CFAP221: variants seen among roughly 807,000 people sequenced by gnomAD.
CFAP221 encodes the protein cilia and flagella associated protein 221, also known as cilia- and flagella-associated protein 221.
A neutral mutation model predicts 113.1 loss-of-function variants in CFAP221; 97 were observed. That is an observed-to-expected ratio of 0.86 (90% CI 0.73 to 1.02). The LOEUF (loss-of-function observed/expected upper bound fraction) is 1.02. CFAP221 is among the 50% of genes least tolerant of loss of function. CFAP221 has a pLI of 0.00. For synonymous variants in CFAP221, 331 were observed against 354.4 expected, an observed-to-expected ratio of 0.93 and a Z score of 0.74; for missense variants, 1,025 against 1,013.4, an observed-to-expected ratio of 1.01 and a Z score of -0.16.
intron 19 of CFAP221, among the ~76,000 whole-genome samples, chr2:119,634,527 A>C (rs947175586): frequency 6.6e-6 from 1 of 152,224 alleles, no homozygotes; most frequent in Non-Finnish European, 1.5e-5. Flanking sequence ...TCCTATGTTC[A>C]TTGCAGCACT....
chr2:119,607,699 A>G (rs1368771533), intron 11 of CFAP221, among the ~76,000 whole-genome samples: 2 of 152,142 alleles, frequency 1.3e-5, no homozygotes, highest in African/African-American at 4.8e-5. Context: ...TGGCAACCAC[A>G]ATCTACTTTC....
intron 13 of CFAP221, 139 bp downstream of exon 13, chr2:119,611,881 G>A: frequency 1.4e-6 from 1 of 730,768 alleles, no homozygotes; most frequent in Non-Finnish European, 2.3e-6. Flanking sequence ...TTTTCAGAAT[G>A]TTACCATGTT....
intron 3 of CFAP221, among the ~76,000 whole-genome samples, chr2:119,555,833 TCA>T (rs1411926268): frequency 1.7e-4 from 26 of 152,194 alleles, no homozygotes; most frequent in Admixed American, 1.7e-3. Flanking sequence ...CTTCCTGGGC[TCA>T]GACAAATCTT....
intron 6 of CFAP221, among the ~76,000 whole-genome samples, chr2:119,572,366 G>C (rs114534776): frequency 2.7e-3 from 412 of 152,134 alleles, no homozygotes; most frequent in African/African-American, 9.7e-3. Flanking sequence ...AACCATTATG[G>C]CTGGTTAAAA....
intron 6 of CFAP221, among the ~76,000 whole-genome samples, chr2:119,564,124 C>T (rs1412250697): frequency 1.3e-5 from 2 of 152,124 alleles, no homozygotes; most frequent in East Asian, 1.9e-4. Context: ...TGCTGATGAC[C>T]GGGTGGATCA....
At chr2:119,646,540 T>C (rs1028660566) in intron 21 of CFAP221, among the ~76,000 whole-genome samples, 1 of 152,070 alleles carries the variant, frequency 6.6e-6, no homozygotes, top group African/African-American at 2.4e-5. Context: ...TGCTAACCCA[T>C]TCCTGAGAAC....
In CFAP221 at chr2:119,647,019, C is replaced by T; in HGVS notation, c.2287C>T (p.Pro763Ser). The change falls in exon 22 of 24, where the codon CCA becomes TCA. Residue 763 changes from proline (P) to serine (S), a missense_variant. Coordinates refer to ENST00000413369, the MANE Select transcript of CFAP221 (RefSeq NM_001271049.2). ...CGTCCCTGCCATCCTTGATGCCTTACCAGAAGAGGACAGACTAGAAACAGT... is the reference window on the plus strand; with the variant it reads ...CGTCCCTGCCATCCTTGATGCCTTATCAGAAGAGGACAGACTAGAAACAGT... ...IDVPAILDAL[P>S]EEDRLETVER... 1.2e-6 allele frequency: 2 copies of T among 1,612,608 alleles called. No homozygotes were observed. The highest frequency in any genetic ancestry group is 2.2e-5 in the East Asian group (1 of 44,818).
In CFAP221 at chr2:119,563,545, A is replaced by C. The variant is rs534374436; in HGVS notation, c.527+1431A>C. ...CCTACCTGGACTCTCCCCTGCCCCC[A>C]CCTGCCTCCTCCCCATTGATGCAGC... On this transcript the variant is annotated intron_variant, in intron 6 of 23. Transcript: ENST00000413369. 6.0e-4 allele frequency among the ~76,000 whole-genome samples: 90 copies of C among 150,870 alleles called. No homozygotes were observed. In the Middle Eastern group the frequency reaches 0.017, roughly 29 times the overall value.
intron 10 of CFAP221, 94 bp from the exon 11 acceptor site, chr2:119,605,087 T>G (rs1684643333): frequency 6.9e-7 from 1 of 1,452,592 alleles, no homozygotes; most frequent in Non-Finnish European, 9.6e-7. Flanking sequence ...TCAGTTAGAT[T>G]GCTGTTATGC....
intron 19 of CFAP221, among the ~76,000 whole-genome samples, chr2:119,637,615 C>T (rs1034941402): frequency 2.6e-5 from 4 of 152,042 alleles, no homozygotes; most frequent in African/African-American, 4.8e-5. Flanking sequence ...TTTTGTTTTA[C>T]GAGCCTCTGA....
chr2:119,550,944 C>T (rs1279490493), intron 3 of CFAP221, among the ~76,000 whole-genome samples: 4 of 152,174 alleles, frequency 2.6e-5, no homozygotes, highest in Non-Finnish European at 5.9e-5. Context: ...AATCACTCAT[C>T]CAGTTTCTGT....
intron 6 of CFAP221, among the ~76,000 whole-genome samples, chr2:119,566,214 A>G (rs1681612274): frequency 6.6e-6 from 1 of 152,176 alleles, no homozygotes; most frequent in African/African-American, 2.4e-5. Flanking sequence ...GTGGAGTAGA[A>G]AAGAAGAGGG....
intron 12 of CFAP221, among the ~76,000 whole-genome samples, chr2:119,610,284 T>C (rs1685060712): frequency 6.6e-6 from 1 of 152,084 alleles, no homozygotes; most frequent in African/African-American, 2.4e-5. Context: ...CCATTCTGTG[T>C]GTCCAGGGGA....
intron 23 of CFAP221, among the ~76,000 whole-genome samples, chr2:119,654,679 T>G (rs769045117): frequency 6.6e-6 from 1 of 152,210 alleles, no homozygotes; most frequent in African/African-American, 2.4e-5. Flanking sequence ...TATAAACATT[T>G]TCTGCACACC....
intron 3 of CFAP221, among the ~76,000 whole-genome samples, chr2:119,558,708 A>G (rs1681003350): frequency 6.6e-6 from 1 of 152,140 alleles, no homozygotes; most frequent in Non-Finnish European, 1.5e-5. Context: ...CTATAATCCC[A>G]GCTACTCAGG....
intron 3 of CFAP221, among the ~76,000 whole-genome samples, chr2:119,550,184 T>G (rs1393385692): frequency 1.3e-5 from 2 of 152,168 alleles, no homozygotes; most frequent in Non-Finnish European, 2.9e-5. Context: ...TGGCCCTGTC[T>G]CCAGCCACCA....
intron 6 of CFAP221, among the ~76,000 whole-genome samples, chr2:119,574,294 G>A (rs965195209): frequency 3.3e-5 from 5 of 152,146 alleles, no homozygotes; most frequent in African/African-American, 1.2e-4. Flanking sequence ...AGGGTTTTCT[G>A]TCTAGTCTGT....
chr2:119,546,299 A>G, intron 2 of CFAP221, 29 bp downstream of exon 2: 4 of 1,530,252 alleles, frequency 2.6e-6, no homozygotes, highest in Non-Finnish European at 3.5e-6. Context: ...GATTTGCTTT[A>G]CAGCTCACAT....
At chr2:119,566,279 A>C (rs962312951) in intron 6 of CFAP221, among the ~76,000 whole-genome samples, 7 of 152,146 alleles carry the variant, frequency 4.6e-5, no homozygotes, top group Non-Finnish European at 1.0e-4. Context: ...ACTCTACTAA[A>C]AGTGAGTCGG....
Sources: gnomAD v4.1 joint callset for allele counts (sites outside exome capture counted in the v4.1 genomes callset) on GRCh38, gnomAD v4.1.1 for gene constraint, MANE v1.5 for transcripts, NCBI Gene and HGNC (gene_info 2026-07-23, HGNC 2026-07-21) for gene names.